The following LRRC2 variants were observed in gnomAD, a reference collection of about 807,000 sequenced individuals.
LRRC2 encodes leucine-rich repeat-containing protein 2.
LRRC2 carries 27 observed loss-of-function variants against 40.2 expected under a neutral mutation model. The observed-to-expected ratio is 0.67, with a 90% CI of 0.49 to 0.93. The LOEUF is 0.93. LRRC2 is among the 40% of genes least tolerant of loss of function. LRRC2 has a pLI of 0.00. For synonymous variants in LRRC2, 147 were observed against 158.9 expected, an observed-to-expected ratio of 0.92 and a Z score of 0.56; for missense variants, 402 against 439.6, an observed-to-expected ratio of 0.91 and a Z score of 0.76.
At chr3:46,543,570 C>T (rs1704445504) in intron 3 of LRRC2, among the ~76,000 whole-genome samples, 1 of 151,432 alleles carries the variant, frequency 6.6e-6, no homozygotes, top group Non-Finnish European at 1.5e-5. Context: ...GAGCTGAGAT[C>T]GCACCACTGT....
chr3:46,522,239 G>T (rs960096086), intron 7 of LRRC2, among the ~76,000 whole-genome samples: 5 of 152,052 alleles, frequency 3.3e-5, no homozygotes, highest in African/African-American at 1.2e-4. Context: ...GCTGGGTGTG[G>T]TGGCAGGCGC....
intron 3 of LRRC2, among the ~76,000 whole-genome samples, chr3:46,543,615 C>CAATTAATAAT (rs1424087747): frequency 1.1e-5 from 1 of 89,472 alleles, no homozygotes; most frequent in African/African-American, 4.1e-5. Flanking sequence ...GACTCCATCT[C>CAATTAATAAT]AATTAATAAT....
intron 8 of LRRC2, among the ~76,000 whole-genome samples, 187 bp from the exon 9 acceptor site, chr3:46,519,250 T>C (rs1387865180): frequency 1.3e-5 from 2 of 152,180 alleles, no homozygotes; most frequent in African/African-American, 4.8e-5. Context: ...TCATCACAAA[T>C]GTGCAGTCAA....
chr3:46,538,621 C>T (rs761246270), intron 4 of LRRC2, among the ~76,000 whole-genome samples: 44 of 151,614 alleles, frequency 2.9e-4, no homozygotes, highest in African/African-American at 9.0e-4. Context: ...GCAACAAGAG[C>T]GAAACTCCGT....
intron 4 of LRRC2, among the ~76,000 whole-genome samples, chr3:46,535,418 A>AAT (rs1301191910): frequency 6.6e-6 from 1 of 152,146 alleles, no homozygotes; most frequent in Non-Finnish European, 1.5e-5. Context: ...AGTTGGATAA[A>AAT]ATATATATAT....
chr3:46,537,063 T>C (rs781129795), intron 4 of LRRC2, among the ~76,000 whole-genome samples: 4 of 152,012 alleles, frequency 2.6e-5, no homozygotes, highest in Non-Finnish European at 5.9e-5. Context: ...GATCCCTGAG[T>C]CTAGGTCAAC....
Position 46,532,168 on chromosome 3 carries a change from T to C in LRRC2, c.627+605A>G, listed in dbSNP as rs148297760. ...ACCATTGTGGATAAATAAATCAGGA[T>C]CTGCATTAGAGACAACAGGCATCTT... On this transcript the variant is annotated intron_variant, in intron 5 of 8. Coordinates refer to ENST00000395905, the MANE Select transcript of LRRC2 (RefSeq NM_024512.5). Among the ~76,000 whole-genome samples, 978 of 152,300 alleles carry C rather than the reference T, an allele frequency of 6.4e-3. 13 individuals carry two copies. Among genetic ancestry groups the C allele is most frequent in the African/African-American group, 0.022 (910 of 41,552 alleles).
chr3:46,555,762 A>G (rs1160493399), intron 1 of LRRC2, among the ~76,000 whole-genome samples: 1 of 152,140 alleles, frequency 6.6e-6, no homozygotes, highest in African/African-American at 2.4e-5. Context: ...CTGGTCCATT[A>G]TATTTATCTT....
chr3:46,539,428 T>G lies in LRRC2; in HGVS notation c.334-227A>C, dbSNP rs181974760. On this transcript the variant is annotated intron_variant, in intron 3 of 8. Transcript: ENST00000395905. Reference sequence around the variant, plus strand: ...TTTCAAAACTGCCGTGAATTCATGATGTTATTAAAATTAAATCCTAGTGAA... The same window carrying G: ...TTTCAAAACTGCCGTGAATTCATGAGGTTATTAAAATTAAATCCTAGTGAA... Among the ~76,000 whole-genome samples, 189 of 152,308 alleles carry G rather than the reference T, an allele frequency of 1.2e-3. 1 individual carries two copies. The highest frequency in any genetic ancestry group is 4.1e-3 in the Admixed American group (62 of 15,302).
intron 5 of LRRC2, among the ~76,000 whole-genome samples, chr3:46,530,255 G>T (rs1007468908): frequency 7.2e-5 from 11 of 152,074 alleles, no homozygotes; most frequent in Admixed American, 1.3e-4. Context: ...AATACACTGC[G>T]GCTGCCTTCC....
At chr3:46,553,660 T>A (rs2107043832) in intron 1 of LRRC2, among the ~76,000 whole-genome samples, 1 of 152,186 alleles carries the variant, frequency 6.6e-6, no homozygotes, top group Non-Finnish European at 1.5e-5. Flanking sequence ...GTGAATTTTT[T>A]AATTTTTTGT....
intron 4 of LRRC2, among the ~76,000 whole-genome samples, chr3:46,538,732 C>T (rs1520493): frequency 0.66 from 100,156 of 152,198 alleles, 33,738 homozygotes; most frequent in Middle Eastern, 0.78. Context: ...GCATACTGCA[C>T]GTTTATAGGT....
rs1466871676 is a variant in LRRC2 at position 46,517,347 on chromosome 3, C to T, written c.*1667G>A. The T allele has an allele frequency of 6.7e-6, 1 of 148,438 alleles. No homozygotes were observed. Among genetic ancestry groups the T allele is most frequent in the Non-Finnish European group, 1.5e-5 (1 of 67,520 alleles). The allele number at this position is 148,438 out of a possible 1,614,324, so 9.2% of individuals were successfully genotyped here. A position where few individuals can be genotyped will look rare whatever the true frequency, so the allele number is the denominator to read the frequency against. On this transcript the variant is annotated 3_prime_UTR_variant, in exon 9 of 9. Coordinates refer to ENST00000395905, the MANE Select transcript of LRRC2 (RefSeq NM_024512.5). ...ATTGCTGTTTGTTTTGCTTTTGAGACAGGGTCTCACTCTGTCACCCAGGCT... is the reference window on the plus strand; with the variant it reads ...ATTGCTGTTTGTTTTGCTTTTGAGATAGGGTCTCACTCTGTCACCCAGGCT...
intron 6 of LRRC2, among the ~76,000 whole-genome samples, chr3:46,528,293 C>CTT (rs10706448): frequency 6.8e-6 from 1 of 147,046 alleles, no homozygotes. Context: ...CTTTGGTACA[C>CTT]TTTTTTTTTT....
rs1389442518 is a variant in LRRC2 at position 46,545,106 on chromosome 3, G to C, written c.273C>G (p.Pro91=). 6.2e-7 allele frequency: 1 copy of C among 1,614,044 alleles called. No homozygotes were observed. Among genetic ancestry groups the C allele is most frequent in the East Asian group, 2.2e-5 (1 of 44,884 alleles). Residue 91 remains proline, a synonymous_variant, in exon 3 of 9, where the codon CCC becomes CCG. Transcript: ENST00000395905. ...CACTGCTCCGTTTGCCTCTGTCCTT[G>C]GGAAGTGAACTCTGCCTTGTGAGAG... ...RNTLTRQSSL[P]KDRGKRSSAF... is the part of the protein sequence containing the mutation.
At chr3:46,541,344 A>AAG (rs1553613114) in intron 3 of LRRC2, among the ~76,000 whole-genome samples, 3 of 151,696 alleles carry the variant, frequency 2.0e-5, no homozygotes, top group East Asian at 1.9e-4. Context: ...AAAAAAAAAA[A>AAG]AAAAGAAAAG....
chr3:46,522,519 C>T (rs1277730832), intron 7 of LRRC2, among the ~76,000 whole-genome samples: 1 of 151,868 alleles, frequency 6.6e-6, no homozygotes, highest in Non-Finnish European at 1.5e-5. Flanking sequence ...GGAGACCAGC[C>T]TGGGCAACAT....
At chr3:46,548,482 T>C (rs9871405) in intron 2 of LRRC2, among the ~76,000 whole-genome samples, 12,254 of 152,232 alleles carry the variant, frequency 0.08, 572 homozygotes, top group South Asian at 0.17. Flanking sequence ...CTATCACCCA[T>C]ATAATTCAAT....
intron 6 of LRRC2, 92 bp from the exon 7 acceptor site, chr3:46,527,673 C>T (rs1433786038): frequency 2.7e-6 from 3 of 1,117,406 alleles, no homozygotes; most frequent in East Asian, 4.9e-5. Flanking sequence ...ACAGGAAGTC[C>T]CTACTTTATT....
Sources: gnomAD v4.1 joint callset for allele counts (sites outside exome capture counted in the v4.1 genomes callset) on GRCh38, gnomAD v4.1.1 for gene constraint, MANE v1.5 for transcripts, NCBI Gene and HGNC (gene_info 2026-07-23, HGNC 2026-07-21) for gene names.